Variants in VDAC3 observed in about 807,000 individuals in gnomAD.
The protein encoded by VDAC3 is voltage dependent anion channel 3, also known as non-selective voltage-gated ion channel VDAC3.
A neutral mutation model predicts 33.9 loss-of-function variants in VDAC3; 7 were observed. The ratio of observed to expected loss-of-function variants is 0.21; its 90% confidence interval spans 0.12 to 0.39. VDAC3 has a LOEUF of 0.39. Among genes scored for constraint, VDAC3 ranks in the 10% least tolerant of loss-of-function variants. VDAC3 has a pLI of 1.00. For synonymous variants in VDAC3, 100 were observed against 122.4 expected (o/e 0.82, Z 1.21); for missense variants, 261 against 334.5 (o/e 0.78, Z 1.71).
At chr8:42,395,185 T>G in intron 4 of VDAC3, 52 bp downstream of exon 4, 1 of 1,607,912 alleles carries the variant, frequency 6.2e-7, no homozygotes, top group Non-Finnish European at 8.5e-7. Context: ...CTTAAAGGAA[T>G]CTGTTTAAAA....
Position 42,404,723 on chromosome 8 carries a change from A to T in VDAC3, c.703-144A>T. On this transcript the variant is annotated intron_variant, in intron 8 of 9. Transcript: ENST00000022615. The stretch of plus-strand genomic sequence containing the variant: ...GGTGACAAGAACAAAACTTCATCTC[A>T]AAAAAAAAAAAAAAAAAAATCAGTA... The T allele has an allele frequency of 4.1e-5, 5 of 122,298 alleles. No individual in the cohort carries two copies. The East Asian group carries it at 1.1e-3, about 27-fold the overall frequency. 7.6% of individuals were successfully genotyped at this position (122,298 alleles called of 1,614,324 possible). A position where few individuals can be genotyped will look rare whatever the true frequency, so the allele number is the denominator to read the frequency against.
chr8:42,404,796 CAA>C, intron 8 of VDAC3, 69 bp from the exon 9 acceptor site: 1 of 1,334,564 alleles, frequency 7.5e-7, no homozygotes, highest in Non-Finnish European at 1.1e-6. Flanking sequence ...ACCTAATGCA[CAA>C]AGTGATGGTT....
chr8:42,394,426 G>T lies in VDAC3; in HGVS notation c.67+148G>T, dbSNP rs1585947186. ...GGGGATAACTATTAACAGGCTATTA[G>T]ACCTCATTCTTTAGAGGCAGAACCC... On this transcript the variant is annotated intron_variant, in intron 3 of 9. Coordinates refer to ENST00000022615, the MANE Select transcript of VDAC3 (RefSeq NM_005662.7). 1.8e-4 allele frequency: 124 copies of T among 693,158 alleles called. No homozygotes were observed. In the East Asian group the frequency reaches 3.3e-3, roughly 18 times the overall value. The allele number at this position is 693,158 out of a possible 1,614,324, so 42.9% of individuals were successfully genotyped here.
chr8:42,400,315 C>T (rs1488121565), intron 6 of VDAC3, among the ~76,000 whole-genome samples: 3 of 149,044 alleles, frequency 2.0e-5, no homozygotes, highest in African/African-American at 5.0e-5. Flanking sequence ...GGCAACAGAG[C>T]GAGACTCTGT....
In VDAC3 at chr8:42,405,357, T is replaced by A. The variant is rs1031816199; in HGVS notation, c.761-14T>A. On this transcript the variant is annotated splice_polypyrimidine_tract_variant and intron_variant, in intron 9 of 9. Transcript: ENST00000022615. ...TACTTGTTTCAAGTGATTGTGGTGT[T>A]TTCTTCTTCCTAGGAGTCAAATTGA... 11 of 1,606,060 alleles carry A rather than the reference T, an allele frequency of 6.8e-6. No individual in the cohort carries two copies. The African/African-American group carries it at 1.3e-4, about 20-fold the overall frequency.
At chr8:42,392,163 C>T (rs1824880071) in intron 1 of VDAC3, among the ~76,000 whole-genome samples, 1 of 152,204 alleles carries the variant, frequency 6.6e-6, no homozygotes, top group African/African-American at 2.4e-5. Context: ...CGACCTATCC[C>T]GCCGGCGTGT....
At chr8:42,395,888 G>C (rs934298559) in intron 4 of VDAC3, among the ~76,000 whole-genome samples, 10 of 151,214 alleles carry the variant, frequency 6.6e-5, no homozygotes, top group African/African-American at 2.4e-4. Flanking sequence ...GAACCTGGGA[G>C]GTGGAGGTTT....
At position 42,401,833 on chromosome 8, in the gene VDAC3, T is replaced by C; in HGVS notation, c.369T>C (p.Phe123=). 6.2e-7 allele frequency: 1 copy of C among 1,614,218 alleles called. No individual in the cohort carries two copies. The highest frequency in any genetic ancestry group is 1.1e-5 in the South Asian group (1 of 91,088). ...AGGCCTCCTATAAACGGGATTGTTT[T>C]AGTGTTGGCAGTAATGTTGATATAG... is the stretch of plus-strand genomic sequence containing the variant. ...KLKASYKRDC[F]SVGSNVDIDF... The change falls in exon 7 of 10, where the codon TTT becomes TTC. Residue 123 remains phenylalanine, a synonymous_variant. Coordinates refer to ENST00000022615, the MANE Select transcript of VDAC3 (RefSeq NM_005662.7).
At chr8:42,394,957 C>T in intron 3 of VDAC3, 127 bp from the exon 4 acceptor site, 4 of 1,018,036 alleles carry the variant, frequency 3.9e-6, no homozygotes, top group East Asian at 2.6e-5. Context: ...GAACTCTCAC[C>T]CAATGAAAAT....
At chr8:42,396,532 C>T in intron 4 of VDAC3, 1 of 585,142 alleles carries the variant, frequency 1.7e-6, no homozygotes, top group Non-Finnish European at 3.0e-6. Flanking sequence ...GATGGGCACG[C>T]TGTGTATATA....
chr8:42,400,303 T>G (rs1425034723), intron 6 of VDAC3, among the ~76,000 whole-genome samples: 1 of 149,662 alleles, frequency 6.7e-6, no homozygotes, highest in Non-Finnish European at 1.5e-5. Flanking sequence ...CACTCCAGCC[T>G]GGGCAACAGA....
intron 3 of VDAC3, among the ~76,000 whole-genome samples, chr8:42,394,781 G>GAT (rs1200214328): frequency 2.0e-5 from 3 of 151,958 alleles, no homozygotes. Context: ...TATTTTAAAC[G>GAT]ATATATATAG....
In VDAC3 at chr8:42,405,433, G is replaced by A; in HGVS notation, c.823G>A (p.Val275Ile). 1 of 1,612,416 alleles carries A rather than the reference G, an allele frequency of 6.2e-7. No individual in the cohort carries two copies. Among genetic ancestry groups the A allele is most frequent in the Non-Finnish European group, 8.5e-7 (1 of 1,180,002 alleles). Residue 275 changes from valine (V) to isoleucine (I), a missense_variant, in exon 10 of 10, where the codon GTT becomes ATT. Physicochemically the swap from Val to Ile is conservative, Grantham distance 29. Transcript: ENST00000022615. Reference protein sequence around the residue: ...GKNFSAGGHKVGLGFELEA With the variant: ...GKNFSAGGHKIGLGFELEA ...GAACTTCAGTGCAGGAGGTCACAAG[G>A]TTGGCTTGGGATTTGAACTGGAAGC... is the stretch of plus-strand genomic sequence containing the variant.
chr8:42,402,096 T>C, intron 7 of VDAC3, 81 bp downstream of exon 7: 1 of 1,382,368 alleles, frequency 7.2e-7, no homozygotes, highest in East Asian at 2.5e-5. Flanking sequence ...GAAGTGATGG[T>C]ACTCAGATTT....
At chr8:42,395,482 A>G (rs1585947858) in intron 4 of VDAC3, among the ~76,000 whole-genome samples, 1 of 152,234 alleles carries the variant, frequency 6.6e-6, no homozygotes, top group Non-Finnish European at 1.5e-5. Flanking sequence ...CCCTTTTACA[A>G]AAACAAATTA....
chr8:42,398,710 A>G lies in VDAC3; in HGVS notation c.118-2A>G. On this transcript the variant is annotated splice_acceptor_variant, in intron 4 of 9. Transcript: ENST00000022615. LOFTEE classifies it high-confidence loss of function. ...AAGTAATTATTTTTTCTTGCTTACC[A>G]GGAATTTTCTACTTCTGGTCATGCT... 5 of 1,594,766 alleles carry G rather than the reference A, an allele frequency of 3.1e-6. No individual in the cohort carries two copies. The highest frequency in any genetic ancestry group is 4.3e-6 in the Non-Finnish European group (5 of 1,175,280).
rs763756687 is a variant in VDAC3 at position 42,404,900 on chromosome 8, G to T, written c.736G>T (p.Gly246Cys). 2 of 1,613,588 alleles carry T rather than the reference G, an allele frequency of 1.2e-6. No individual in the cohort carries two copies. Among genetic ancestry groups the T allele is most frequent in the Non-Finnish European group, 1.7e-6 (2 of 1,179,726 alleles). The change falls in exon 9 of 10, where the codon GGT (glycine) becomes TGT (cysteine). Residue 246 changes from glycine to cysteine, a missense_variant. By Grantham distance (159) the Gly-to-Cys change is radical (BLOSUM62 -3). Transcript: ENST00000022615. The part of the protein sequence containing the change: ...KVNNASLIGL[G>C]YTQTLRPGVK... ...AAATAATGCCAGCCTGATTGGACTGGGTTATACTCAGACCCTTCGACCAGG... is the reference window on the plus strand; with the variant it reads ...AAATAATGCCAGCCTGATTGGACTGTGTTATACTCAGACCCTTCGACCAGG...
Position 42,405,542 on chromosome 8 carries a change from C to A in VDAC3, c.*80C>A, listed in dbSNP as rs921288609. On this transcript the variant is annotated 3_prime_UTR_variant, in exon 10 of 10. Transcript: ENST00000022615. The stretch of plus-strand genomic sequence containing the variant: ...ACTATGTTTTGGCCTTAAAATTCTT[C>A]TGTGAAATTTCAAAAGTGTGAACTT... 1 of 1,231,508 alleles carries A rather than the reference C, an allele frequency of 8.1e-7. No individual in the cohort carries two copies. The highest frequency in any genetic ancestry group is 1.2e-6 in the Non-Finnish European group (1 of 853,916). 76.3% of individuals were successfully genotyped at this position (1,231,508 alleles called of 1,614,324 possible).
intron 6 of VDAC3, among the ~76,000 whole-genome samples, chr8:42,400,513 A>C (rs1802398214): frequency 6.6e-6 from 1 of 151,806 alleles, no homozygotes; most frequent in Non-Finnish European, 1.5e-5. Context: ...TCGTGAAAAA[A>C]AGGGGGATTG....
Sources: allele counts gnomAD v4.1 joint callset (sites outside exome capture counted in the v4.1 genomes callset), GRCh38; gene constraint gnomAD v4.1.1; transcripts MANE v1.5; gene names NCBI Gene and HGNC (gene_info 2026-07-23, HGNC 2026-07-21).